Variants in NCAM1 observed in about 807,000 individuals in gnomAD.
NCAM1 encodes the protein neural cell adhesion molecule 1.
A neutral mutation model predicts 109.8 loss-of-function variants in NCAM1; 14 were observed. That is an observed-to-expected ratio of 0.13 (90% CI 0.08 to 0.20). NCAM1 has a LOEUF of 0.20. Ranked by LOEUF, NCAM1 falls within the 10% of genes least tolerant of loss-of-function variation. NCAM1 has a pLI of 1.00. For synonymous variants in NCAM1, 418 were observed against 442.9 expected (o/e 0.94, Z 0.70); for missense variants, 774 against 1,109.9 (o/e 0.70, Z 4.30).
chr11:113,233,150 C>A lies in NCAM1; in HGVS notation c.1526C>A (p.Thr509Asn), dbSNP rs782104061. ...SLEFILVQAD[T>N]PSSPSIDQVE... ...TCCATATGTGTCTTCCCCACAGACA[C>A]CCCCTCTTCACCATCCATCGACCAG... Residue 509 changes from threonine (T) to asparagine (N), a missense_variant, in exon 13 of 20, where the codon ACC (threonine) becomes AAC (asparagine). Thr to Asn is a moderately conservative substitution (Grantham distance 65). Coordinates refer to ENST00000316851, the MANE Select transcript of NCAM1 (RefSeq NM_181351.5). This position sits in a 1 kb window ranked among gnomAD's most constrained non-coding sequence, Gnocchi z 4.5. The A allele has an allele frequency of 6.2e-7, 1 of 1,612,296 alleles. No individual in the cohort carries two copies. Among genetic ancestry groups the A allele is most frequent in the African/African-American group, 1.3e-5 (1 of 75,004 alleles).
At chr11:113,181,198 C>T (rs1158155293) in intron 1 of NCAM1, among the ~76,000 whole-genome samples, 10 of 152,312 alleles carry the variant, frequency 6.6e-5, no homozygotes, top group African/African-American at 2.2e-4. Flanking sequence ...ATCTGGTCTG[C>T]AGCTGTGGTG....
chr11:113,149,621 A>G (rs1942152326), intron 1 of NCAM1, among the ~76,000 whole-genome samples: 1 of 152,150 alleles, frequency 6.6e-6, no homozygotes, highest in Non-Finnish European at 1.5e-5. Flanking sequence ...TCTAAATAAA[A>G]CTGTTTTTCT....
At chr11:113,243,511 T>C (rs11605668) in intron 14 of NCAM1, 10,372 of 513,536 alleles carry the variant, frequency 0.02, 154 homozygotes, top group Middle Eastern at 0.034. Context: ...CTCTTGACAA[T>C]AGAGTCAAGA....
intron 1 of NCAM1, among the ~76,000 whole-genome samples, chr11:113,186,175 A>T (rs921095029): frequency 3.3e-5 from 5 of 152,230 alleles, no homozygotes; most frequent in Admixed American, 2.0e-4. Flanking sequence ...GTACCAGGCC[A>T]TGGCCTGTTA....
intron 1 of NCAM1, among the ~76,000 whole-genome samples, chr11:113,039,355 C>T (rs7948327): frequency 2.0e-5 from 3 of 151,878 alleles, no homozygotes; most frequent in African/African-American, 4.8e-5. Context: ...CTCTGTAATG[C>T]GGGAAGATGA....
intron 1 of NCAM1, among the ~76,000 whole-genome samples, chr11:113,176,269 G>A (rs1943140685): frequency 6.6e-6 from 1 of 152,194 alleles, no homozygotes; most frequent in Admixed American, 6.5e-5. Flanking sequence ...GGACAAGCAT[G>A]GCCTCTTGGA....
intron 14 of NCAM1, among the ~76,000 whole-genome samples, chr11:113,242,050 C>T (rs528715166): frequency 2.5e-4 from 38 of 152,190 alleles, no homozygotes; most frequent in Non-Finnish European, 4.6e-4. Flanking sequence ...CCGCTTCTTC[C>T]GCCTGAAGCT....
chr11:113,107,795 C>T (rs1221016489), intron 1 of NCAM1, among the ~76,000 whole-genome samples: 3 of 152,092 alleles, frequency 2.0e-5, no homozygotes, highest in Non-Finnish European at 4.4e-5. Flanking sequence ...ACAGCCAAAC[C>T]ATATTACCCC....
chr11:113,218,971 G>A (rs1411241862), intron 8 of NCAM1, among the ~76,000 whole-genome samples: 1 of 152,154 alleles, frequency 6.6e-6, no homozygotes, highest in Non-Finnish European at 1.5e-5. Context: ...AGTGAGTGGT[G>A]CTAAATTCCA....
At chr11:112,970,619 G>A (rs886434189) in intron 1 of NCAM1, among the ~76,000 whole-genome samples, 42 of 152,094 alleles carry the variant, frequency 2.8e-4, no homozygotes, top group African/African-American at 9.7e-4. Flanking sequence ...TGTAACTTCC[G>A]CAATCGAATA....
intron 1 of NCAM1, among the ~76,000 whole-genome samples, chr11:113,031,294 T>G (rs782338336): frequency 1.3e-5 from 2 of 152,208 alleles, no homozygotes; most frequent in Non-Finnish European, 2.9e-5. Flanking sequence ...ACAGATTTCT[T>G]GTACTTAGGA....
At chr11:112,964,685 G>A (rs1257482786) in intron 1 of NCAM1, among the ~76,000 whole-genome samples, 17 of 152,226 alleles carry the variant, frequency 1.1e-4, no homozygotes, top group Non-Finnish European at 2.1e-4. Flanking sequence ...GACTGAGAAT[G>A]TGTGTTTTTA....
intron 15 of NCAM1, among the ~76,000 whole-genome samples, chr11:113,254,013 C>G (rs190075945): frequency 6.6e-6 from 1 of 151,326 alleles, no homozygotes; most frequent in Non-Finnish European, 1.5e-5. Context: ...GTGTCTCCTT[C>G]TATTTGTTCA....
intron 1 of NCAM1, among the ~76,000 whole-genome samples, chr11:113,056,619 C>A (rs1555082620): frequency 6.6e-6 from 1 of 152,096 alleles, no homozygotes; most frequent in East Asian, 1.9e-4. Flanking sequence ...GGGAGGCATC[C>A]AGCTGACAGC....
intron 1 of NCAM1, among the ~76,000 whole-genome samples, chr11:113,067,114 CCACCA>C (rs1198826508): frequency 6.6e-6 from 1 of 151,852 alleles, no homozygotes; most frequent in Non-Finnish European, 1.5e-5. Context: ...TGGTTTCTTT[CCACCA>C]CACTACAGGA....
intron 1 of NCAM1, among the ~76,000 whole-genome samples, chr11:113,002,657 G>A (rs1285741174): frequency 6.6e-6 from 1 of 152,104 alleles, no homozygotes; most frequent in African/African-American, 2.4e-5. Context: ...ATTGGGATCA[G>A]TATTGGGATA....
intron 1 of NCAM1, among the ~76,000 whole-genome samples, chr11:113,031,307 A>G (rs1372531965): frequency 5.3e-5 from 8 of 152,198 alleles, no homozygotes; most frequent in Admixed American, 2.0e-4. Context: ...ACTTAGGAAC[A>G]CTAGACAGCA....
At position 112,963,431 on chromosome 11, in the gene NCAM1, T is replaced by C. The variant is rs7111153; in HGVS notation, c.52+1767T>C. 0.47 allele frequency: 71,476 copies of C among 152,042 alleles called. 17,623 individuals carry two copies. Among genetic ancestry groups the C allele is most frequent in the East Asian group, 0.8 (4,075 of 5,122 alleles). 9.4% of individuals were successfully genotyped at this position (152,042 alleles called of 1,614,324 possible). Reference sequence around the variant, plus strand: ...CCTGAGCGCGTCGCCGGGGAGGGCATCCTGGCAGGCACACCTACGCGCGTG... The same window carrying C: ...CCTGAGCGCGTCGCCGGGGAGGGCACCCTGGCAGGCACACCTACGCGCGTG... On this transcript the variant is annotated intron_variant, in intron 1 of 19. Coordinates refer to ENST00000316851, the MANE Select transcript of NCAM1 (RefSeq NM_181351.5). This position sits in a 1 kb window ranked among gnomAD's most constrained non-coding sequence, Gnocchi z 4.6.
At chr11:113,096,281 AT>A (rs1162392907) in intron 1 of NCAM1, among the ~76,000 whole-genome samples, 1 of 152,216 alleles carries the variant, frequency 6.6e-6, no homozygotes, top group Non-Finnish European at 1.5e-5. Context: ...AATTGACAAA[AT>A]GTGTTATCAG....
Sources: gnomAD v4.1 joint callset for allele counts (sites outside exome capture counted in the v4.1 genomes callset) on GRCh38, gnomAD v4.1.1 for gene constraint, Gnocchi (gnomAD v3.1) non-coding constraint, MANE v1.5 for transcripts, NCBI Gene and HGNC (gene_info 2026-07-23, HGNC 2026-07-21) for gene names.